The following FBXW11 variants were observed in gnomAD, a reference collection of about 807,000 sequenced individuals.
FBXW11 encodes the protein F-box/WD repeat-containing protein 11.
FBXW11 carries 19 observed loss-of-function variants against 77.6 expected under a neutral mutation model. The ratio of observed to expected loss-of-function variants is 0.24; its 90% CI spans 0.17 to 0.36. FBXW11 has a LOEUF of 0.36. Ranked by LOEUF, FBXW11 falls within the 10% of genes least tolerant of loss-of-function variation. The probability of loss-of-function intolerance (pLI) is 1.00; values close to 1 mark genes in which losing one functional copy is unlikely to be tolerated. For missense variants in FBXW11, 334 were observed against 704.2 expected, an observed-to-expected ratio of 0.47 and a Z score of 5.95; for synonymous variants, 235 against 249.4, an observed-to-expected ratio of 0.94 and a Z score of 0.54.
chr5:171,971,326 A>G (rs1764517267), intron 1 of FBXW11, among the ~76,000 whole-genome samples: 1 of 152,234 alleles, frequency 6.6e-6, no homozygotes, highest in African/African-American at 2.4e-5. Flanking sequence ...GAATATATTT[A>G]TCATCTAAGG....
intron 2 of FBXW11, among the ~76,000 whole-genome samples, chr5:171,918,284 G>A (rs774215958): frequency 4.6e-5 from 7 of 151,968 alleles, no homozygotes; most frequent in South Asian, 2.1e-4. Flanking sequence ...ACACAGGGTC[G>A]CAGGAATAAG....
chr5:171,909,823 A>C lies in FBXW11; in HGVS notation c.436+749T>G, dbSNP rs532581386. Among the ~76,000 whole-genome samples, 4 of 152,290 alleles carry C rather than the reference A, an allele frequency of 2.6e-5. No individual in the cohort carries two copies. In the South Asian group the frequency reaches 8.3e-4, roughly 32 times the overall value. ...AGAAATATAATAAAGACATGCTACCAGTTTTCCCAATGTATTTTTGCCATT... is the reference window on the plus strand; with the variant it reads ...AGAAATATAATAAAGACATGCTACCCGTTTTCCCAATGTATTTTTGCCATT... On this transcript the variant is annotated intron_variant, in intron 4 of 13. Coordinates refer to ENST00000517395, the MANE Select transcript of FBXW11 (RefSeq NM_001378974.1).
intron 4 of FBXW11, among the ~76,000 whole-genome samples, chr5:171,903,272 T>A (rs973435023): frequency 6.6e-6 from 1 of 152,110 alleles, no homozygotes; most frequent in African/African-American, 2.4e-5. Flanking sequence ...AATTTTTTTT[T>A]ATCATTTGTA....
intron 1 of FBXW11, among the ~76,000 whole-genome samples, chr5:171,972,502 TAAAA>T (rs70982360): frequency 1.2e-4 from 6 of 48,218 alleles, no homozygotes; most frequent in Non-Finnish European, 1.6e-4. Flanking sequence ...CTCTGTCTCA[TAAAA>T]AAAAAAAAAA....
intron 2 of FBXW11, among the ~76,000 whole-genome samples, chr5:171,924,975 C>T (rs1414015032): frequency 6.6e-6 from 1 of 152,180 alleles, no homozygotes; most frequent in African/African-American, 2.4e-5. Flanking sequence ...CAGAAGCAGG[C>T]TACAGCACGC....
chr5:171,990,764 G>A (rs1581086584), intron 1 of FBXW11, among the ~76,000 whole-genome samples: 1 of 152,158 alleles, frequency 6.6e-6, no homozygotes, highest in Non-Finnish European at 1.5e-5. Context: ...CGTATGTATA[G>A]AAAGGTTACA....
chr5:171,882,976 C>T (rs1054772731), intron 7 of FBXW11, among the ~76,000 whole-genome samples: 3 of 151,704 alleles, frequency 2.0e-5, no homozygotes, highest in East Asian at 3.9e-4. Context: ...TCCAATGCAT[C>T]ATTCTTATGC....
intron 2 of FBXW11, among the ~76,000 whole-genome samples, chr5:171,931,836 C>T (rs755960944): frequency 1.4e-3 from 44 of 31,920 alleles, no homozygotes; most frequent in South Asian, 6.6e-3. Flanking sequence ...TCTCTCTCTC[C>T]CTCCCTCCCT....
chr5:171,996,812 A>G (rs1766082813), intron 1 of FBXW11: 1 of 1,059,010 alleles, frequency 9.4e-7, no homozygotes, highest in African/African-American at 1.7e-5. Flanking sequence ...GACAAAATAA[A>G]TAAGGGAAAA....
At chr5:171,902,490 C>G (rs753293099) in intron 4 of FBXW11, among the ~76,000 whole-genome samples, 9 of 152,184 alleles carry the variant, frequency 5.9e-5, no homozygotes, top group Admixed American at 3.9e-4. Context: ...GTTTACACAA[C>G]CATACACAAT....
intron 1 of FBXW11, among the ~76,000 whole-genome samples, chr5:171,974,749 T>G (rs960840492): frequency 6.6e-6 from 1 of 152,080 alleles, no homozygotes; most frequent in African/African-American, 2.4e-5. Flanking sequence ...CAGAGAGAGA[T>G]ATCATTGTCA....
intron 3 of FBXW11, among the ~76,000 whole-genome samples, chr5:171,912,274 T>C (rs1054646804): frequency 6.6e-6 from 1 of 152,214 alleles, no homozygotes; most frequent in African/African-American, 2.4e-5. Flanking sequence ...TGTCGAGGAA[T>C]GTTTCTTCCC....
At chr5:171,920,099 G>T (rs928972649) in intron 2 of FBXW11, among the ~76,000 whole-genome samples, 1 of 152,076 alleles carries the variant, frequency 6.6e-6, no homozygotes, top group Non-Finnish European at 1.5e-5. Flanking sequence ...GGAGGCAGAG[G>T]TTGCAGTGAG....
At chr5:171,949,294 C>T (rs1028077567) in intron 2 of FBXW11, among the ~76,000 whole-genome samples, 2 of 151,952 alleles carry the variant, frequency 1.3e-5, no homozygotes, top group East Asian at 1.9e-4. Flanking sequence ...GTGAAACATG[C>T]GCATATGATA....
At chr5:171,871,550 C>T (rs1333852570) in intron 10 of FBXW11, among the ~76,000 whole-genome samples, 1 of 152,134 alleles carries the variant, frequency 6.6e-6, no homozygotes, top group Non-Finnish European at 1.5e-5. Flanking sequence ...AATATAAACC[C>T]ATTGACAACA....
Position 171,940,749 on chromosome 5 carries a change from G to A in FBXW11, c.147+16848C>T, listed in dbSNP as rs562814753. ...CTAAAAATACAAAAATTAGCCAGGCGTGGTAGCACACGCCTATAATCCCAC... is the reference window on the plus strand; with the variant it reads ...CTAAAAATACAAAAATTAGCCAGGCATGGTAGCACACGCCTATAATCCCAC... On this transcript the variant is annotated intron_variant, in intron 2 of 13. Transcript: ENST00000517395. Among the ~76,000 whole-genome samples, 32 of 152,114 alleles carry A rather than the reference G, an allele frequency of 2.1e-4. 1 individual carries two copies.
intron 2 of FBXW11, among the ~76,000 whole-genome samples, chr5:171,926,407 A>G (rs1301812538): frequency 6.6e-6 from 1 of 152,044 alleles, no homozygotes; most frequent in Non-Finnish European, 1.5e-5. Flanking sequence ...CCCCACCCAA[A>G]CCTCTTGTCA....
intron 1 of FBXW11, among the ~76,000 whole-genome samples, chr5:171,958,720 G>GAC (rs1236810880): frequency 6.6e-6 from 1 of 152,140 alleles, no homozygotes; most frequent in African/African-American, 2.4e-5. Context: ...ATAACCATTA[G>GAC]ACCATACTGT....
At chr5:172,001,180 G>C (rs1581102992) in intron 1 of FBXW11, among the ~76,000 whole-genome samples, 1 of 152,186 alleles carries the variant, frequency 6.6e-6, no homozygotes, top group Non-Finnish European at 1.5e-5. Context: ...TTCACTGCAT[G>C]AAAGAAAGAA....
Sources: gnomAD v4.1 joint callset for allele counts (sites outside exome capture counted in the v4.1 genomes callset) on GRCh38, gnomAD v4.1.1 for gene constraint, MANE v1.5 for transcripts, NCBI Gene and HGNC (gene_info 2026-07-23, HGNC 2026-07-21) for gene names.